Variants in PCDH15 observed in about 807,000 individuals in gnomAD.
PCDH15 encodes the protein protocadherin related 15, also known as protocadherin-15.
In PCDH15, 129 loss-of-function variants were observed where a neutral mutation model predicts 178.5. The ratio of observed to expected loss-of-function variants is 0.72; its 90% CI spans 0.63 to 0.84. The LOEUF (loss-of-function observed/expected upper bound fraction) is 0.84. PCDH15 is among the 40% of genes least tolerant of loss of function. PCDH15 has a pLI of 0.00. For synonymous variants in PCDH15, 800 were observed against 732.0 expected, an observed-to-expected ratio of 1.09 and a Z score of -1.50; for missense variants, 2,230 against 2,099.9, an observed-to-expected ratio of 1.06 and a Z score of -1.21.
At chr10:55,570,530 C>T (rs1042485166) in intron 2 of PCDH15, among the ~76,000 whole-genome samples, 4 of 151,860 alleles carry the variant, frequency 2.6e-5, no homozygotes, top group African/African-American at 9.7e-5. Flanking sequence ...TTTGAGAACA[C>T]ATCTCTGAAA....
intron 3 of PCDH15, among the ~76,000 whole-genome samples, chr10:54,511,897 T>A (rs1163809104): frequency 6.6e-6 from 1 of 152,074 alleles, no homozygotes; most frequent in East Asian, 1.9e-4. Context: ...GGGGGAGTGT[T>A]TTCAAATGAA....
chr10:54,391,166 A>G (rs1950506132), intron 3 of PCDH15, among the ~76,000 whole-genome samples: 1 of 152,202 alleles, frequency 6.6e-6, no homozygotes, highest in African/African-American at 2.4e-5. Context: ...AATAATTACA[A>G]CTATTGCTAC....
intron 7 of PCDH15, among the ~76,000 whole-genome samples, chr10:54,327,594 T>C (rs1938433053): frequency 1.3e-5 from 2 of 152,052 alleles, no homozygotes; most frequent in South Asian, 2.1e-4. Context: ...TAGGTATCTA[T>C]CTATACACAT....
At chr10:54,345,048 G>A (rs1943018394) in intron 6 of PCDH15, among the ~76,000 whole-genome samples, 2 of 149,670 alleles carry the variant, frequency 1.3e-5, no homozygotes, top group African/African-American at 4.9e-5. Flanking sequence ...TTTTTTGTGA[G>A]AACACAATAG....
At chr10:55,085,235 G>T (rs997952593) in intron 2 of PCDH15, among the ~76,000 whole-genome samples, 1 of 151,784 alleles carries the variant, frequency 6.6e-6, no homozygotes, top group East Asian at 1.9e-4. Context: ...GAAGGTCATT[G>T]TGTTAAGGAA....
At chr10:54,731,236 A>G (rs1943281369) in intron 1 of PCDH15, among the ~76,000 whole-genome samples, 2 of 151,240 alleles carry the variant, frequency 1.3e-5, no homozygotes, top group African/African-American at 4.8e-5. Flanking sequence ...CATAGCTTAA[A>G]TTGATTTTAT....
At chr10:54,738,897 T>A (rs1165968061) in intron 1 of PCDH15, among the ~76,000 whole-genome samples, 1 of 151,976 alleles carries the variant, frequency 6.6e-6, no homozygotes, top group East Asian at 1.9e-4. Flanking sequence ...AAACTAAGTA[T>A]AAAAGAAGTA....
rs371803646 is a variant in PCDH15, at chr10:55,585,389, A to G, written c.-156+42236T>C. 7.2e-5 allele frequency among the ~76,000 whole-genome samples: 11 copies of G among 152,214 alleles called. No homozygotes were observed. In the East Asian group the frequency reaches 1.9e-3, roughly 27 times the overall value. On this transcript the variant is annotated intron_variant, in intron 2 of 5. Transcript: ENST00000613346. ...ACAACACTTCACTGCTCTAGAAATA[A>G]ATTTTCTGGCCGGGCGCGTTGGCTC... is the stretch of plus-strand genomic sequence containing the variant.
intron 3 of PCDH15, among the ~76,000 whole-genome samples, chr10:54,871,759 C>T (rs1954045520): frequency 6.6e-6 from 1 of 152,024 alleles, no homozygotes; most frequent in Non-Finnish European, 1.5e-5. Flanking sequence ...TAAATATTGT[C>T]ATCCTTAGAA....
intron 1 of PCDH15, among the ~76,000 whole-genome samples, chr10:54,750,390 T>C (rs1340814184): frequency 6.6e-6 from 1 of 152,068 alleles, no homozygotes; most frequent in African/African-American, 2.4e-5. Context: ...AAAACTCTAG[T>C]CAACTAACCA....
intron 25 of PCDH15, among the ~76,000 whole-genome samples, chr10:53,917,712 G>C (rs1367097043): frequency 6.6e-6 from 1 of 152,152 alleles, no homozygotes; most frequent in Non-Finnish European, 1.5e-5. Flanking sequence ...TGAACACACT[G>C]ATACGGTTTG....
intron 2 of PCDH15, among the ~76,000 whole-genome samples, chr10:54,550,953 C>A (rs2086507880): frequency 6.6e-6 from 1 of 151,682 alleles, no homozygotes; most frequent in East Asian, 1.9e-4. Flanking sequence ...GCCAGGAGTT[C>A]ATGACCAACC....
chr10:54,067,473 A>T (rs2094158174), intron 17 of PCDH15, among the ~76,000 whole-genome samples: 1 of 152,216 alleles, frequency 6.6e-6, no homozygotes, highest in Admixed American at 6.5e-5. Flanking sequence ...GTATGCAGGT[A>T]AACCTACCAG....
chr10:53,923,352 T>TA (rs1235005462), intron 25 of PCDH15, among the ~76,000 whole-genome samples: 1 of 152,104 alleles, frequency 6.6e-6, no homozygotes, highest in Non-Finnish European at 1.5e-5. Flanking sequence ...TTCCTGGGAA[T>TA]AAAAAATGAA....
chr10:54,456,163 G>T (rs1430645057), intron 3 of PCDH15, among the ~76,000 whole-genome samples: 1 of 152,088 alleles, frequency 6.6e-6, no homozygotes. Context: ...CCATCATCCA[G>T]ACCCCACAAT....
At chr10:54,642,035 C>T (rs909846678) in intron 2 of PCDH15, among the ~76,000 whole-genome samples, 1 of 151,778 alleles carries the variant, frequency 6.6e-6, no homozygotes, top group Admixed American at 6.6e-5. Context: ...TAACTCCCCC[C>T]ACCCATAATT....
intron 3 of PCDH15, chr10:54,864,642 GT>G: frequency 6.6e-6 from 1 of 152,304 alleles, no homozygotes; most frequent in South Asian, 2.1e-4. Flanking sequence ...CAGTCAAGCT[GT>G]TGGCTATGGC....
chr10:54,972,848 C>CAAAAAA (rs750356955), intron 2 of PCDH15, among the ~76,000 whole-genome samples: 44 of 53,422 alleles, frequency 8.2e-4, no homozygotes, highest in East Asian at 1.2e-3. Context: ...GACTCCATCT[C>CAAAAAA]AAAAAAAAAA....
rs531885348 is a variant in PCDH15 at position 55,463,056 on chromosome 10, T to C, written c.-156+164569A>G. 9.9e-5 allele frequency among the ~76,000 whole-genome samples: 15 copies of C among 150,840 alleles called. No individual in the cohort carries two copies. In the South Asian group the frequency reaches 2.9e-3, roughly 29 times the overall value. ...CAAAGATGAGCAAACAAGTGGGTGA[T>C]TGCAATTGAAAATAAAATATAGGAA... On this transcript the variant is annotated intron_variant, in intron 2 of 5. Coordinates refer to the PCDH15 transcript ENST00000613346.
Sources: gnomAD v4.1 joint callset for allele counts (sites outside exome capture counted in the v4.1 genomes callset) on GRCh38, gnomAD v4.1.1 for gene constraint, MANE v1.5 for transcripts, NCBI Gene and HGNC (gene_info 2026-07-23, HGNC 2026-07-21) for gene names.